The following LRFN5 variants were observed in gnomAD, a reference collection of about 807,000 sequenced individuals.
LRFN5 encodes leucine-rich repeat and fibronectin type-III domain-containing protein 5.
LRFN5 carries 24 observed loss-of-function variants against 45.6 expected under a neutral mutation model. That is an observed-to-expected ratio of 0.53 (90% CI 0.38 to 0.74). LRFN5 has a LOEUF of 0.74. Ranked by LOEUF, LRFN5 falls within the 30% of genes least tolerant of loss-of-function variation. The pLI is 0.00. For missense variants in LRFN5, 776 were observed against 861.5 expected, an observed-to-expected ratio of 0.90 and a Z score of 1.24; for synonymous variants, 340 against 313.8, an observed-to-expected ratio of 1.08 and a Z score of -0.88.
chr14:41,835,798 T>C (rs1888641698), intron 2 of LRFN5, among the ~76,000 whole-genome samples: 1 of 152,108 alleles, frequency 6.6e-6, no homozygotes. Flanking sequence ...ATTTTGGAAA[T>C]GCAGATAAAA....
At chr14:41,727,638 A>G (rs1342793479) in intron 1 of LRFN5, among the ~76,000 whole-genome samples, 1 of 151,966 alleles carries the variant, frequency 6.6e-6, no homozygotes, top group African/African-American at 2.4e-5. Context: ...AAATAAAATA[A>G]ATATATTTTT....
At chr14:41,660,384 A>G (rs1160983919) in intron 1 of LRFN5, among the ~76,000 whole-genome samples, 1 of 152,060 alleles carries the variant, frequency 6.6e-6, no homozygotes, top group Non-Finnish European at 1.5e-5. Context: ...ACCCTGCTGG[A>G]TCAAAATGTT....
intron 1 of LRFN5, among the ~76,000 whole-genome samples, chr14:41,764,469 A>C (rs73315092): frequency 0.01 from 1,551 of 152,274 alleles, 34 homozygotes; most frequent in African/African-American, 0.035. Context: ...GACCATATAG[A>C]CAATAAATTT....
At chr14:41,794,889 A>G (rs1283567655) in intron 2 of LRFN5, among the ~76,000 whole-genome samples, 1 of 151,972 alleles carries the variant, frequency 6.6e-6, no homozygotes, top group Non-Finnish European at 1.5e-5. Flanking sequence ...TGTTCCTAAG[A>G]TGCACAATTA....
At chr14:41,828,035 C>G (rs1319247087) in intron 2 of LRFN5, among the ~76,000 whole-genome samples, 1 of 152,004 alleles carries the variant, frequency 6.6e-6, no homozygotes, top group Non-Finnish European at 1.5e-5. Context: ...GGGACTATAT[C>G]TGTTCACAGT....
At chr14:41,868,145 A>G (rs1594479760) in intron 2 of LRFN5, among the ~76,000 whole-genome samples, 1 of 152,132 alleles carries the variant, frequency 6.6e-6, no homozygotes, top group Admixed American at 6.6e-5. Context: ...ACTAGTTGGG[A>G]TGCAATACAG....
intron 1 of LRFN5, among the ~76,000 whole-genome samples, chr14:41,673,772 G>T (rs1191476083): frequency 7.0e-6 from 1 of 143,616 alleles, no homozygotes; most frequent in East Asian, 2.2e-4. Context: ...TTCACCTCCC[G>T]GACGGGGCGG....
intron 1 of LRFN5, among the ~76,000 whole-genome samples, chr14:41,756,147 A>G (rs145471286): frequency 0.013 from 1,992 of 152,230 alleles, 14 homozygotes; most frequent in Middle Eastern, 0.037. Flanking sequence ...TGTTAGTCTG[A>G]TTGGCTTCCC....
chr14:41,807,330 T>G (rs909434482), intron 2 of LRFN5, among the ~76,000 whole-genome samples: 1 of 152,106 alleles, frequency 6.6e-6, no homozygotes, highest in African/African-American at 2.4e-5. Context: ...AGGGGACACA[T>G]TAAAGTATAG....
chr14:41,747,901 A>G (rs1884985601), intron 1 of LRFN5, among the ~76,000 whole-genome samples: 1 of 152,078 alleles, frequency 6.6e-6, no homozygotes, highest in Admixed American at 6.6e-5. Flanking sequence ...AACATATAAT[A>G]AAATGCCTAG....
chr14:41,670,509 C>T (rs1171448786), intron 1 of LRFN5, among the ~76,000 whole-genome samples: 1 of 150,580 alleles, frequency 6.6e-6, no homozygotes, highest in Non-Finnish European at 1.5e-5. Flanking sequence ...GGAAAATATC[C>T]CTTTGAGAAA....
intron 1 of LRFN5, among the ~76,000 whole-genome samples, chr14:41,618,535 T>C (rs987793597): frequency 6.6e-6 from 1 of 152,158 alleles, no homozygotes; most frequent in African/African-American, 2.4e-5. Context: ...CCTGAGACCA[T>C]TCACACATAT....
intron 2 of LRFN5, among the ~76,000 whole-genome samples, chr14:41,838,615 T>A (rs1196394998): frequency 1.1e-4 from 16 of 152,096 alleles, no homozygotes; most frequent in Admixed American, 1.0e-3. Context: ...GAAACTCAGA[T>A]GGGGGTGCAG....
chr14:41,814,754 T>A (rs1419529869), intron 2 of LRFN5, among the ~76,000 whole-genome samples: 2 of 151,578 alleles, frequency 1.3e-5, no homozygotes, highest in Non-Finnish European at 2.9e-5. Flanking sequence ...TCTTTTTCAT[T>A]GTTGGGTATA....
At chr14:41,653,644 C>T (rs1880235742) in intron 1 of LRFN5, among the ~76,000 whole-genome samples, 1 of 151,910 alleles carries the variant, frequency 6.6e-6, no homozygotes. Flanking sequence ...AAAATTTTGT[C>T]GCATTGAAAG....
chr14:41,796,022 C>A (rs1411187224), intron 2 of LRFN5, among the ~76,000 whole-genome samples: 8 of 151,840 alleles, frequency 5.3e-5, no homozygotes, highest in Non-Finnish European at 1.0e-4. Context: ...ACAAATAATA[C>A]ATAATTTTAT....
At chr14:41,795,543 T>C (rs1387403342) in intron 2 of LRFN5, among the ~76,000 whole-genome samples, 1 of 152,050 alleles carries the variant, frequency 6.6e-6, no homozygotes, top group African/African-American at 2.4e-5. Flanking sequence ...CCAAAAATGA[T>C]AGACTGGATT....
chr14:41,627,823 C>A (rs997508814), intron 1 of LRFN5, among the ~76,000 whole-genome samples: 1 of 152,050 alleles, frequency 6.6e-6, no homozygotes, highest in Non-Finnish European at 1.5e-5. Context: ...CTTGTTATTT[C>A]AGAGACTTGA....
intron 1 of LRFN5, among the ~76,000 whole-genome samples, chr14:41,609,332 G>T (rs1887634592): frequency 6.6e-6 from 1 of 151,282 alleles, no homozygotes; most frequent in Non-Finnish European, 1.5e-5. Flanking sequence ...TGTTGTTGTT[G>T]TTTGTTTGTT....
Sources: gnomAD v4.1 joint callset for allele counts (sites outside exome capture counted in the v4.1 genomes callset) on GRCh38, gnomAD v4.1.1 for gene constraint, MANE v1.5 for transcripts, NCBI Gene and HGNC (gene_info 2026-07-23, HGNC 2026-07-21) for gene names.